Variants in ADAMTS19 observed in about 807,000 individuals in gnomAD.
The protein encoded by ADAMTS19 is ADAM metallopeptidase with thrombospondin type 1 motif 19.
In ADAMTS19, 93 loss-of-function variants were observed where a neutral mutation model predicts 153.3. The ratio of observed to expected loss-of-function variants is 0.61; its 90% CI spans 0.51 to 0.72. ADAMTS19 has a LOEUF of 0.72. Among genes scored for constraint, ADAMTS19 ranks in the 30% least tolerant of loss-of-function variants. ADAMTS19 has a pLI of 0.00. For missense variants in ADAMTS19, 1,482 were observed against 1,552.1 expected (o/e 0.95, Z 0.76); for synonymous variants, 600 against 556.6 (o/e 1.08, Z -1.10).
At chr5:129,697,539 A>G (rs1755616576) in intron 19 of ADAMTS19, among the ~76,000 whole-genome samples, 2 of 152,244 alleles carry the variant, frequency 1.3e-5, no homozygotes, top group Admixed American at 1.3e-4. Context: ...CAGTAATGTC[A>G]TGTTCTTTGC....
chr5:129,522,054 C>T (rs1441047534), intron 3 of ADAMTS19, among the ~76,000 whole-genome samples: 3 of 151,650 alleles, frequency 2.0e-5, no homozygotes, highest in African/African-American at 4.8e-5. Flanking sequence ...ATATTAATCT[C>T]ATTCACTTGG....
At chr5:129,551,824 ATAATT>A in intron 6 of ADAMTS19, 35 bp from the exon 7 acceptor site, 1 of 1,363,580 alleles carries the variant, frequency 7.3e-7, no homozygotes, top group Non-Finnish European at 1.0e-6. Flanking sequence ...TTTGTACAAA[ATAATT>A]TATCTTTATT....
chr5:129,649,028 GT>G, intron 13 of ADAMTS19, 58 bp downstream of exon 13: 1 of 1,451,372 alleles, frequency 6.9e-7, no homozygotes, highest in Non-Finnish European at 9.3e-7. Context: ...TTTGCGAAGT[GT>G]TTTTACAATA....
intron 16 of ADAMTS19, among the ~76,000 whole-genome samples, chr5:129,679,299 C>T (rs534171490): frequency 6.6e-6 from 1 of 152,240 alleles, no homozygotes; most frequent in African/African-American, 2.4e-5. Flanking sequence ...CCATTTTGAT[C>T]AGTTAATTAA....
intron 7 of ADAMTS19, among the ~76,000 whole-genome samples, chr5:129,568,323 T>C (rs548414876): frequency 2.6e-4 from 39 of 151,896 alleles, no homozygotes; most frequent in South Asian, 6.2e-4. Flanking sequence ...GTCCATGATG[T>C]ATAGTAGATT....
intron 7 of ADAMTS19, among the ~76,000 whole-genome samples, chr5:129,595,757 T>C (rs1405235198): frequency 6.6e-6 from 1 of 152,076 alleles, no homozygotes; most frequent in Non-Finnish European, 1.5e-5. Context: ...ATAATTGATA[T>C]TATGATAACT....
chr5:129,629,144 C>T (rs1026462306), intron 10 of ADAMTS19, among the ~76,000 whole-genome samples: 1 of 152,094 alleles, frequency 6.6e-6, no homozygotes, highest in African/African-American at 2.4e-5. Context: ...GTATCTCTAG[C>T]ACCCAAATAA....
At chr5:129,537,120 T>G (rs1477474973) in intron 6 of ADAMTS19, among the ~76,000 whole-genome samples, 1 of 151,290 alleles carries the variant, frequency 6.6e-6, no homozygotes, top group Admixed American at 6.6e-5. Context: ...GTGAAGGATA[T>G]TAACAGACAC....
intron 21 of ADAMTS19, among the ~76,000 whole-genome samples, chr5:129,704,681 A>C (rs1756064057): frequency 6.6e-6 from 1 of 152,238 alleles, no homozygotes; most frequent in African/African-American, 2.4e-5. Flanking sequence ...TATAGTTCTC[A>C]GAATATTGTT....
intron 3 of ADAMTS19, among the ~76,000 whole-genome samples, chr5:129,516,888 CTT>C (rs200576506): frequency 1.4e-4 from 15 of 105,644 alleles, no homozygotes; most frequent in Non-Finnish European, 2.5e-4. Flanking sequence ...GAGATTTTTC[CTT>C]TTTTTTTTTT....
chr5:129,563,943 G>A (rs558508513), intron 7 of ADAMTS19, among the ~76,000 whole-genome samples: 2 of 150,954 alleles, frequency 1.3e-5, no homozygotes, highest in South Asian at 2.1e-4. Context: ...TTTTTGACAC[G>A]TAGTATCTCT....
intron 10 of ADAMTS19, among the ~76,000 whole-genome samples, chr5:129,640,852 T>C (rs1236288866): frequency 6.6e-6 from 1 of 151,890 alleles, no homozygotes; most frequent in South Asian, 2.1e-4. Flanking sequence ...TGAGACAGAG[T>C]CTCACCCTGT....
intron 7 of ADAMTS19, among the ~76,000 whole-genome samples, chr5:129,565,459 G>C (rs1009116367): frequency 1.3e-5 from 2 of 151,926 alleles, no homozygotes; most frequent in Non-Finnish European, 2.9e-5. Context: ...AATTTTTATT[G>C]GTTCTTGCAT....
chr5:129,668,280 C>G (rs967797147), intron 16 of ADAMTS19, among the ~76,000 whole-genome samples: 1 of 152,168 alleles, frequency 6.6e-6, no homozygotes, highest in Non-Finnish European at 1.5e-5. Flanking sequence ...ATCTCAAGAT[C>G]TTCAACTTAA....
intron 2 of ADAMTS19, among the ~76,000 whole-genome samples, chr5:129,499,502 A>C (rs1380044170): frequency 6.6e-6 from 1 of 152,100 alleles, no homozygotes; most frequent in Non-Finnish European, 1.5e-5. Flanking sequence ...GAATCTTTTA[A>C]AATCTCTATC....
At chr5:129,484,962 C>G (rs1750543150) in intron 2 of ADAMTS19, among the ~76,000 whole-genome samples, 2 of 152,024 alleles carry the variant, frequency 1.3e-5, no homozygotes, top group South Asian at 2.1e-4. Flanking sequence ...ATCGGTAGAA[C>G]AAGCAAACAG....
chr5:129,557,619 AAAAAT>A (rs1367055224), intron 7 of ADAMTS19, among the ~76,000 whole-genome samples: 51 of 152,262 alleles, frequency 3.3e-4, no homozygotes, highest in Middle Eastern at 3.4e-3. Context: ...ATAATAAAAT[AAAAAT>A]AAAATAAAAT....
At chr5:129,710,368 A>G (rs1476608792) in intron 21 of ADAMTS19, among the ~76,000 whole-genome samples, 1 of 152,168 alleles carries the variant, frequency 6.6e-6, no homozygotes, top group African/African-American at 2.4e-5. Context: ...GATCCAGTCT[A>G]TCATTGATGG....
chr5:129,517,383 T>C (rs905745286), intron 3 of ADAMTS19, among the ~76,000 whole-genome samples: 3 of 152,014 alleles, frequency 2.0e-5, no homozygotes, highest in African/African-American at 7.2e-5. Context: ...AGTGGGGTGT[T>C]GAAGTCTTCA....
Sources: gnomAD v4.1 joint callset for allele counts (sites outside exome capture counted in the v4.1 genomes callset) on GRCh38, gnomAD v4.1.1 for gene constraint, MANE v1.5 for transcripts, NCBI Gene and HGNC (gene_info 2026-07-23, HGNC 2026-07-21) for gene names.